Variants in KIF26A observed in about 807,000 individuals in gnomAD.
KIF26A encodes kinesin-like protein KIF26A.
KIF26A carries 74 observed loss-of-function variants against 126.0 expected under a neutral mutation model. The ratio of observed to expected loss-of-function variants is 0.59; its 90% confidence interval spans 0.49 to 0.71. KIF26A has a LOEUF of 0.71. KIF26A is among the 30% of genes least tolerant of loss of function. The pLI, the probability that KIF26A is intolerant of heterozygous loss-of-function variation, is 0.00. For synonymous variants in KIF26A, 1,445 were observed against 1,232.7 expected, an observed-to-expected ratio of 1.17 and a Z score of -3.61; for missense variants, 2,984 against 2,763.3, an observed-to-expected ratio of 1.08 and a Z score of -1.79.
chr14:104,143,194 C>G (rs976405640), intron 2 of KIF26A, among the ~76,000 whole-genome samples: 1 of 152,240 alleles, frequency 6.6e-6, no homozygotes, highest in African/African-American at 2.4e-5. Context: ...CTTATGCCCC[C>G]AAGAGCTCCA....
chr14:104,158,313 C>T (rs963677355), intron 4 of KIF26A, among the ~76,000 whole-genome samples: 1 of 152,256 alleles, frequency 6.6e-6, no homozygotes, highest in African/African-American at 2.4e-5. Context: ...TCATAGGAGT[C>T]GCTGTGACTG....
chr14:104,173,600 T>A lies in KIF26A; in HGVS notation c.1867+87T>A, dbSNP rs989639828. On this transcript the variant is annotated intron_variant, in intron 9 of 14. Transcript: ENST00000423312. ...CAGGGGCCTGTCATCCAGTGGCTCC[T>A]GGGGATGTCCCTGGGGTTGTCCCCA... 7.9e-6 allele frequency: 12 copies of A among 1,513,454 alleles called. No homozygotes were observed. In the African/African-American group the frequency reaches 1.6e-4, roughly 21 times the overall value. The allele number at this position is 1,513,454 out of a possible 1,614,324, so 93.8% of individuals were successfully genotyped here.
At chr14:104,170,032 C>T (rs1299120703) in intron 5 of KIF26A, among the ~76,000 whole-genome samples, 2 of 152,208 alleles carry the variant, frequency 1.3e-5, no homozygotes, top group Admixed American at 6.5e-5. Flanking sequence ...AGGCCCACAC[C>T]CCCCTTCCTC....
chr14:104,151,937 T>G lies in KIF26A; in HGVS notation c.289-78T>G. The G allele has an allele frequency of 2.0e-4, 256 of 1,298,508 alleles. No homozygotes were observed. Among genetic ancestry groups the G allele is most frequent in the Non-Finnish European group, 2.6e-4 (231 of 898,792 alleles). The allele number at this position is 1,298,508 out of a possible 1,614,324, so 80.4% of individuals were successfully genotyped here. On this transcript the variant is annotated intron_variant, in intron 2 of 14. Coordinates refer to ENST00000423312, the MANE Select transcript of KIF26A (RefSeq NM_015656.2). This position sits in a 1 kb window ranked among gnomAD's most constrained non-coding sequence, Gnocchi z 4.9. The stretch of plus-strand genomic sequence containing the variant: ...CGGGAGCTCGCAGCGTCATGGACGG[T>G]GAGAGTGCTGGTGGGCTCTGGGTGC...
chr14:104,152,320 C>T lies in KIF26A; in HGVS notation c.594C>T (p.Ser198=). 6.3e-7 allele frequency: 1 copy of T among 1,580,136 alleles called. No individual in the cohort carries two copies. Among genetic ancestry groups the T allele is most frequent in the Non-Finnish European group, 8.6e-7 (1 of 1,165,690 alleles). Residue 198 remains serine (S), a synonymous_variant, in exon 3 of 15, where the codon TCC becomes TCT. Coordinates refer to ENST00000423312, the MANE Select transcript of KIF26A (RefSeq NM_015656.2). This position sits in a 1 kb window ranked among gnomAD's most constrained non-coding sequence, Gnocchi z 5.9. ...GPDRTKGLAW[S]PGPSVQVSVA... The stretch of plus-strand genomic sequence containing the variant: ...ACAGGACCAAGGGGCTGGCCTGGTC[C>T]CCCGGGCCCAGTGTCCAGGTGTCTG...
intron 4 of KIF26A, 33 bp from the exon 5 acceptor site, chr14:104,166,826 A>G (rs2037909102): frequency 6.6e-7 from 1 of 1,508,274 alleles, no homozygotes; most frequent in Non-Finnish European, 8.9e-7. Context: ...GCTGTCACCC[A>G]CCACTGATCC....
intron 14 of KIF26A, 59 bp downstream of exon 14, chr14:104,179,445 T>A: frequency 6.9e-7 from 1 of 1,444,222 alleles, no homozygotes; most frequent in Non-Finnish European, 9.1e-7. Flanking sequence ...ACAGCTGCCC[T>A]CCCCTCCCAG....
At chr14:104,156,110 T>C (rs1228380963) in intron 3 of KIF26A, among the ~76,000 whole-genome samples, 4 of 152,238 alleles carry the variant, frequency 2.6e-5, no homozygotes, top group Non-Finnish European at 1.5e-5. Context: ...CCCTGGGTGC[T>C]GACTGCCATG....
At chr14:104,167,135 T>C (rs2037914491) in intron 5 of KIF26A, 87 bp downstream of exon 5, 2 of 1,310,996 alleles carry the variant, frequency 1.5e-6, no homozygotes, top group Non-Finnish European at 2.0e-6. Flanking sequence ...GTGGAGGGGC[T>C]GCCACTTCCT....
At chr14:104,174,331 G>C in intron 11 of KIF26A, 21 bp downstream of exon 11, 2 of 1,503,380 alleles carry the variant, frequency 1.3e-6, no homozygotes, top group Non-Finnish European at 1.8e-6. Flanking sequence ...CCTCCTGCCC[G>C]CCCCATCTCG....
chr14:104,151,999 C>T lies in KIF26A; in HGVS notation c.289-16C>T, dbSNP rs971296957. The T allele has an allele frequency of 2.4e-5, 39 of 1,611,738 alleles. No individual in the cohort carries two copies. Among genetic ancestry groups the T allele is most frequent in the Non-Finnish European group, 3.2e-5 (38 of 1,179,074 alleles). ...CCCCAGGCACTGACCCTGCCTTTGT[C>T]CCTTGCTGTCCTCAGGATCCTTGCC... On this transcript the variant is annotated splice_polypyrimidine_tract_variant and intron_variant, in intron 2 of 14. Coordinates refer to ENST00000423312, the MANE Select transcript of KIF26A (RefSeq NM_015656.2). This position sits in a 1 kb window ranked among gnomAD's most constrained non-coding sequence, Gnocchi z 4.9.
intron 6 of KIF26A, 98 bp from the exon 7 acceptor site, chr14:104,172,477 G>T: frequency 2.6e-6 from 2 of 783,424 alleles, no homozygotes; most frequent in South Asian, 3.4e-5. Context: ...CTCCTTGTGG[G>T]TCGACTGCCT....
In KIF26A at chr14:104,151,790, T is replaced by C. The variant is rs538271291; in HGVS notation, c.289-225T>C. 1.6e-3 allele frequency among the ~76,000 whole-genome samples: 251 copies of C among 152,302 alleles called. 1 individual carries two copies. The highest frequency in any genetic ancestry group is 6.8e-3 in the Middle Eastern group (2 of 294). The stretch of plus-strand genomic sequence containing the variant: ...GGCGCTTAATGACGGCTGGGGAAGG[T>C]GGACAGTTAACAAGGACATTGTGAG... On this transcript the variant is annotated intron_variant, in intron 2 of 14. Transcript: ENST00000423312. The surrounding 1 kb of genome is among the most constrained non-coding windows in gnomAD (Gnocchi z 4.9).
In KIF26A at chr14:104,175,939, C is replaced by T. The variant is rs917167981; in HGVS notation, c.3151C>T (p.Pro1051Ser). 1.5e-5 allele frequency: 24 copies of T among 1,559,362 alleles called. No homozygotes were observed. The highest frequency in any genetic ancestry group is 2.1e-5 in the Non-Finnish European group (24 of 1,158,554). The stretch of plus-strand genomic sequence containing the variant: ...GGGGGCGCTTGCCGGAGCTGGGCGG[C>T]CCACCAGCCTGGCTAGCTTCGACAG... ...SLGALAGAGR[P>S]TSLASFDSDC... Residue 1051 changes from proline to serine, a missense_variant, in exon 12 of 15, where the codon CCC becomes TCC. Transcript: ENST00000423312.
intron 5 of KIF26A, among the ~76,000 whole-genome samples, chr14:104,171,002 A>C (rs1357747853): frequency 6.6e-6 from 1 of 152,172 alleles, no homozygotes; most frequent in Non-Finnish European, 1.5e-5. Flanking sequence ...TGGAAGCCCA[A>C]CCCACCCTCA....
intron 2 of KIF26A, among the ~76,000 whole-genome samples, chr14:104,143,189 G>T (rs2141088519): frequency 6.6e-6 from 1 of 152,314 alleles, no homozygotes; most frequent in Admixed American, 6.5e-5. Flanking sequence ...TCATCCTTAT[G>T]CCCCCAAGAG....
chr14:104,164,968 T>G (rs2037870177), intron 4 of KIF26A, among the ~76,000 whole-genome samples: 1 of 151,190 alleles, frequency 6.6e-6, no homozygotes. Flanking sequence ...TGTGTCTCTA[T>G]GTGTGCGTCT....
Position 104,174,946 on chromosome 14 carries a change from A to T in KIF26A, c.2194-36A>T, listed in dbSNP as rs114420269. ...TCGGGGAAGCGGGGGCGTGTAGGGG[A>T]GACTGGGCTCGGCAGCTCCACTTTT... On this transcript the variant is annotated intron_variant, in intron 11 of 14. Transcript: ENST00000423312. 3,108 of 1,485,340 alleles carry T rather than the reference A, an allele frequency of 2.1e-3. 65 individuals are homozygous for T. In the African/African-American group the frequency reaches 0.036, roughly 17 times the overall value. The allele number at this position is 1,485,340 out of a possible 1,614,324, so 92.0% of individuals were successfully genotyped here.
chr14:104,163,532 G>A (rs774577616), intron 4 of KIF26A, among the ~76,000 whole-genome samples: 13 of 151,804 alleles, frequency 8.6e-5, no homozygotes, highest in Non-Finnish European at 1.3e-4. Flanking sequence ...AAATGCTGGC[G>A]ATGCTGGGTG....
Sources: gnomAD v4.1 joint callset for allele counts (sites outside exome capture counted in the v4.1 genomes callset) on GRCh38, gnomAD v4.1.1 for gene constraint, Gnocchi (gnomAD v3.1) non-coding constraint, MANE v1.5 for transcripts, NCBI Gene and HGNC (gene_info 2026-07-23, HGNC 2026-07-21) for gene names.